The following ANK1 variants were observed in gnomAD, a reference collection of about 807,000 sequenced individuals.
The protein encoded by ANK1 is ankyrin 1.
ANK1 carries 51 observed loss-of-function variants against 210.4 expected under a neutral mutation model. The observed-to-expected ratio is 0.24, with a 90% CI of 0.19 to 0.31. The LOEUF is 0.31. Ranked by LOEUF, ANK1 falls within the 10% of genes least tolerant of loss-of-function variation. ANK1 has a pLI of 1.00. For synonymous variants in ANK1, 967 were observed against 1,025.9 expected (o/e 0.94, Z 1.10); for missense variants, 2,051 against 2,504.4 (o/e 0.82, Z 3.86).
At chr8:41,663,092 G>A (rs1809041054) in intron 40 of ANK1, among the ~76,000 whole-genome samples, 2 of 90,138 alleles carry the variant, frequency 2.2e-5, no homozygotes, top group South Asian at 8.5e-4. Context: ...TTTTGTGTGT[G>A]TGTGTGTCTC....
At chr8:41,825,751 A>C (rs1198853191) in intron 1 of ANK1, among the ~76,000 whole-genome samples, 2 of 152,152 alleles carry the variant, frequency 1.3e-5, no homozygotes, top group African/African-American at 2.4e-5. Context: ...GTATTGAATC[A>C]TGGGGGTGGT....
intron 1 of ANK1, among the ~76,000 whole-genome samples, chr8:41,850,265 T>C (rs1168880250): frequency 6.6e-6 from 1 of 152,146 alleles, no homozygotes; most frequent in African/African-American, 2.4e-5. Context: ...GCCTAATAAC[T>C]GTTGAAACTA....
At chr8:41,794,789 C>T (rs1464717396) in intron 1 of ANK1, among the ~76,000 whole-genome samples, 1 of 152,208 alleles carries the variant, frequency 6.6e-6, no homozygotes, top group East Asian at 1.9e-4. Context: ...ACTGCAACCT[C>T]CACCTCCCAG....
Position 41,687,340 on chromosome 8 carries a change from G to A in ANK1, c.4258+816C>T, listed in dbSNP as rs188628980. ...ACACAGTGCTGGATACTGACCACTC[G>A]CACCCCCATTGTTCCTAAAGACAGG... On this transcript the variant is annotated intron_variant, in intron 35 of 42. Transcript: ENST00000289734. Among the ~76,000 whole-genome samples, 6 of 152,232 alleles carry A rather than the reference G, an allele frequency of 3.9e-5. No homozygotes were observed. In the South Asian group the frequency reaches 6.2e-4, roughly 16 times the overall value.
chr8:41,672,993 C>T (rs1001256586), intron 37 of ANK1, 81 bp from the exon 38 acceptor site: 14 of 1,393,828 alleles, frequency 1.0e-5, no homozygotes, highest in Middle Eastern at 2.4e-4. Flanking sequence ...CGCACACGCA[C>T]GAACACACAC....
intron 9 of ANK1, among the ~76,000 whole-genome samples, chr8:41,720,128 CT>C (rs1394941107): frequency 6.6e-6 from 1 of 152,228 alleles, no homozygotes; most frequent in Non-Finnish European, 1.5e-5. Flanking sequence ...CTCCTGTGGG[CT>C]TTCCTTATCT....
rs1239373699 is a variant in ANK1 at position 41,694,232 on chromosome 8, C to G, written c.3328-130G>C. ...CCCGCCCTGCTGTTGGACCACAGAA[C>G]CGACACGGTGGAGCTTGCCTTCCTG... On this transcript the variant is annotated intron_variant, in intron 28 of 42. Transcript: ENST00000289734. The surrounding 1 kb of genome is among the most constrained non-coding windows in gnomAD (Gnocchi z 5.7). 2.0e-6 allele frequency: 2 copies of G among 996,696 alleles called. No homozygotes were observed. Among genetic ancestry groups the G allele is most frequent in the Non-Finnish European group, 3.0e-6 (2 of 677,944 alleles). 61.7% of individuals were successfully genotyped at this position (996,696 alleles called of 1,614,324 possible).
At chr8:41,846,166 G>C (rs1810019740) in intron 1 of ANK1, among the ~76,000 whole-genome samples, 1 of 152,218 alleles carries the variant, frequency 6.6e-6, no homozygotes, top group Admixed American at 6.5e-5. Context: ...TTTTATGGGG[G>C]ACAAAGCAGG....
chr8:41,717,473 C>T, intron 12 of ANK1, 131 bp downstream of exon 12: 1 of 876,576 alleles, frequency 1.1e-6, no homozygotes, highest in South Asian at 1.4e-5. Context: ...ATGTCCTCCC[C>T]CAGTCTGAAG....
chr8:41,739,107 T>C (rs1198490369), intron 2 of ANK1, among the ~76,000 whole-genome samples: 2 of 152,220 alleles, frequency 1.3e-5, no homozygotes, highest in South Asian at 2.1e-4. Flanking sequence ...TTTAGACCAG[T>C]TGATGTTGTT....
At chr8:41,755,225 G>A (rs986080720) in intron 2 of ANK1, among the ~76,000 whole-genome samples, 3 of 152,216 alleles carry the variant, frequency 2.0e-5, no homozygotes, top group African/African-American at 4.8e-5. Context: ...AAAACGAACC[G>A]AAGAGGTGCT....
chr8:41,695,087 T>C, intron 27 of ANK1, 90 bp downstream of exon 27: 2 of 1,553,344 alleles, frequency 1.3e-6, no homozygotes, highest in East Asian at 2.2e-5. Context: ...TTCCCAAACT[T>C]CAGGTGGCCC....
intron 1 of ANK1, among the ~76,000 whole-genome samples, chr8:41,822,156 AAG>A (rs373565724): frequency 1.5e-5 from 1 of 65,632 alleles, no homozygotes; most frequent in East Asian, 2.6e-4. Flanking sequence ...GAAAGAAAGA[AAG>A]AAAGAAAGAA....
intron 1 of ANK1, among the ~76,000 whole-genome samples, chr8:41,860,376 C>G (rs906688630): frequency 6.6e-6 from 1 of 152,188 alleles, no homozygotes; most frequent in African/African-American, 2.4e-5. Flanking sequence ...AAGAGAAGCT[C>G]GATCAGCCTT....
rs16890758 is a variant in ANK1, at chr8:41,692,693, C to T, written c.3813G>A (p.Glu1271=). Residue 1271 remains glutamate, a synonymous_variant, in exon 31 of 43, where the codon GAG becomes GAA. Transcript: ENST00000289734. The stretch of plus-strand genomic sequence containing the variant: ...CCACCTCCACGAAGTTCTCATGCTG[C>T]TCCAGGGTCTTGTCCACTTTATCAT... The part of the protein sequence containing the change: ...MTDDKVDKTL[E]QHENFVEVAR... 2.2e-3 allele frequency: 3,552 copies of T among 1,614,040 alleles called. 85 individuals carry two copies. In the African/African-American group the frequency reaches 0.043, roughly 19 times the overall value.
Position 41,714,197 on chromosome 8 carries a change from G to A in ANK1, c.1759C>T (p.Leu587=), listed in dbSNP as rs971156649. Residue 587 remains leucine (L), a synonymous_variant, in exon 16 of 43, where the codon CTG becomes TTG. Transcript: ENST00000289734. ...GGGGAGCCGCCCCGGGGAAGCAGCA[G>A]CTTGACGATGTCCAGGTTGTTGTGA... The part of the protein sequence containing the change: ...VHHNNLDIVK[L]LLPRGGSPHS... The A allele has an allele frequency of 4.7e-6, 7 of 1,495,242 alleles. No homozygotes were observed. The highest frequency in any genetic ancestry group is 1.4e-5 in the African/African-American group (1 of 72,696). The allele number at this position is 1,495,242 out of a possible 1,614,324, so 92.6% of individuals were successfully genotyped here.
intron 42 of ANK1, chr8:41,660,477 G>A (rs888384361): frequency 8.7e-6 from 4 of 458,060 alleles, no homozygotes; most frequent in African/African-American, 8.2e-5. Context: ...TGGGCAGCAT[G>A]AAGGGCCTCG....
intron 1 of ANK1, among the ~76,000 whole-genome samples, chr8:41,807,575 G>T (rs1405037562): frequency 6.6e-6 from 1 of 152,086 alleles, no homozygotes; most frequent in Non-Finnish European, 1.5e-5. Context: ...TGAAGAGGGG[G>T]TGGTGTACTA....
At chr8:41,790,258 C>T (rs1400096091) in intron 1 of ANK1, among the ~76,000 whole-genome samples, 7 of 151,894 alleles carry the variant, frequency 4.6e-5, no homozygotes, top group East Asian at 1.9e-4. Context: ...GCGATTCTCC[C>T]GCCTCAGCCT....
Sources: allele counts gnomAD v4.1 joint callset (sites outside exome capture counted in the v4.1 genomes callset), GRCh38; gene constraint gnomAD v4.1.1; non-coding constraint Gnocchi (gnomAD v3.1); transcripts MANE v1.5; gene names NCBI Gene and HGNC (gene_info 2026-07-23, HGNC 2026-07-21).